Variants in DYSF observed in about 807,000 individuals in gnomAD.
DYSF encodes the protein dysferlin.
In DYSF, 212 loss-of-function variants were observed where a neutral mutation model predicts 274.9. The observed-to-expected ratio is 0.77, with a 90% confidence interval of 0.69 to 0.86. DYSF has a LOEUF of 0.86. Ranked by LOEUF, DYSF falls within the 40% of genes least tolerant of loss-of-function variation. The probability of loss-of-function intolerance (pLI) is 0.00; values close to 1 mark genes in which losing one functional copy is unlikely to be tolerated. For missense variants in DYSF, 2,666 were observed against 2,783.2 expected (o/e 0.96, Z 0.95); for synonymous variants, 1,091 against 1,078.7 (o/e 1.01, Z -0.22).
chr2:71,532,840 C>CTATT (rs2088896952), intron 14 of DYSF, among the ~76,000 whole-genome samples: 1 of 140,690 alleles, frequency 7.1e-6, no homozygotes. Context: ...TTCTATCTAT[C>CTATT]TATCTATCTA....
At chr2:71,557,503 G>A (rs752669300) in intron 22 of DYSF, among the ~76,000 whole-genome samples, 1 of 152,184 alleles carries the variant, frequency 6.6e-6, no homozygotes, top group African/African-American at 2.4e-5. Flanking sequence ...TGATCCCAGG[G>A]TCTAAATGCT....
chr2:71,675,437 A>G (rs2095203798), intron 52 of DYSF, among the ~76,000 whole-genome samples: 1 of 152,218 alleles, frequency 6.6e-6, no homozygotes, highest in South Asian at 2.1e-4. Context: ...CTCTTGGGGT[A>G]GCCCTTGACT....
intron 9 of DYSF, among the ~76,000 whole-genome samples, chr2:71,516,750 G>A (rs959672564): frequency 6.6e-6 from 1 of 152,206 alleles, no homozygotes; most frequent in East Asian, 1.9e-4. Context: ...TGTCTATGCC[G>A]TGTAGGGATT....
chr2:71,584,098 A>T (rs1270109024), intron 30 of DYSF, among the ~76,000 whole-genome samples: 1 of 150,914 alleles, frequency 6.6e-6, no homozygotes, highest in South Asian at 2.1e-4. Flanking sequence ...TTGCGGTGGC[A>T]TGAGCTATCA....
chr2:71,526,416 G>GGGGGGGGGGGGGC, intron 13 of DYSF, 70 bp downstream of exon 13: 1 of 513,688 alleles, frequency 1.9e-6, no homozygotes. Flanking sequence ...GGGGGTGGGC[G>GGGGGGGGGGGGGC]ATGGCGGGCG....
intron 30 of DYSF, among the ~76,000 whole-genome samples, chr2:71,578,671 C>T (rs1247182676): frequency 1.3e-5 from 2 of 152,194 alleles, no homozygotes; most frequent in Non-Finnish European, 2.9e-5. Flanking sequence ...AGCCAGGTAG[C>T]CTTGCTGGTA....
chr2:71,473,795 T>C (rs2082203182), intron 1 of DYSF, among the ~76,000 whole-genome samples: 1 of 152,220 alleles, frequency 6.6e-6, no homozygotes, highest in African/African-American at 2.4e-5. Flanking sequence ...TTAATCATTG[T>C]GCAGTTATCA....
chr2:71,566,613 G>A (rs976510792), intron 24 of DYSF, among the ~76,000 whole-genome samples: 4 of 152,132 alleles, frequency 2.6e-5, no homozygotes, highest in Non-Finnish European at 2.9e-5. Context: ...GCCCCGTCTC[G>A]GGGAGGACAG....
At chr2:71,518,815 A>G (rs2086923387) in intron 10 of DYSF, among the ~76,000 whole-genome samples, 1 of 151,918 alleles carries the variant, frequency 6.6e-6, no homozygotes, top group African/African-American at 2.4e-5. Context: ...TGCTGGGACC[A>G]GGCGCAGTGG....
At chr2:71,618,330 G>T (rs1487814563) in intron 40 of DYSF, among the ~76,000 whole-genome samples, 1 of 29,164 alleles carries the variant, frequency 3.4e-5, no homozygotes, top group Non-Finnish European at 6.9e-5. Flanking sequence ...GGTAGAGATG[G>T]GGTGTGTGTG....
chr2:71,553,753 T>TTCCCCCCCCCCC, intron 20 of DYSF, 54 bp from the exon 21 acceptor site: 14 of 567,490 alleles, frequency 2.5e-5, no homozygotes, highest in South Asian at 9.7e-5. Flanking sequence ...TAGCACCCCA[T>TTCCCCCCCCCCC]CCCACCCGCC....
At chr2:71,595,790 C>T (rs1005194105) in intron 32 of DYSF, among the ~76,000 whole-genome samples, 5 of 152,188 alleles carry the variant, frequency 3.3e-5, no homozygotes, top group South Asian at 2.1e-4. Context: ...GCACGATGTG[C>T]GCTGCATATG....
chr2:71,636,888 G>A (rs540325118), intron 41 of DYSF, among the ~76,000 whole-genome samples: 1 of 152,126 alleles, frequency 6.6e-6, no homozygotes, highest in Non-Finnish European at 1.5e-5. Flanking sequence ...GCACTGTGGT[G>A]CTCTGGACAG....
chr2:71,590,212 T>A lies in DYSF; in HGVS notation c.3498T>A (p.Tyr1166Ter), dbSNP rs758944159. The A allele has an allele frequency of 1.6e-5, 26 of 1,613,934 alleles. No homozygotes were observed. The highest frequency in any genetic ancestry group is 2.7e-5 in the African/African-American group (2 of 74,880). ...CCTCTGTTTTTTCCCTTGGTGAAGA[T>A]GGGAACCGCTACCATCTACGCTGCT... ...NRPTISCIFD[Y>*]GNRYHLRCYM... The change falls in exon 32 of 56, where the codon TAT becomes TAA. Residue 1166 changes from tyrosine (Y) to a stop codon, truncating the protein, a stop_gained and splice_region_variant. Transcript: ENST00000410020. LOFTEE classifies it high-confidence loss of function.
chr2:71,537,276 C>T (rs890115680), intron 16 of DYSF, among the ~76,000 whole-genome samples: 9 of 103,538 alleles, frequency 8.7e-5, no homozygotes, highest in South Asian at 3.5e-4. Context: ...GATGGAGTTT[C>T]GCTCTTGTCA....
intron 41 of DYSF, among the ~76,000 whole-genome samples, chr2:71,628,196 A>T (rs1020590463): frequency 1.3e-5 from 2 of 152,098 alleles, no homozygotes; most frequent in Middle Eastern, 3.2e-3. Flanking sequence ...ATTAGTATAG[A>T]AATTTTAACA....
chr2:71,568,135 G>T, intron 25 of DYSF, 37 bp from the exon 26 acceptor site: 1 of 1,614,164 alleles, frequency 6.2e-7, no homozygotes, highest in Non-Finnish European at 8.5e-7. Context: ...AGCTGCCTTG[G>T]CCCCCTGCTC....
At chr2:71,472,887 G>A (rs2082137484) in intron 1 of DYSF, among the ~76,000 whole-genome samples, 1 of 152,158 alleles carries the variant, frequency 6.6e-6, no homozygotes, top group Non-Finnish European at 1.5e-5. Context: ...GATGTTTCTA[G>A]TATCTTCTCC....
chr2:71,664,625 A>G (rs962424548), intron 46 of DYSF, among the ~76,000 whole-genome samples, 187 bp downstream of exon 46: 2 of 152,176 alleles, frequency 1.3e-5, no homozygotes, highest in African/African-American at 4.8e-5. Context: ...AAGCCCAGAG[A>G]TGTTATTGCT....
Sources: allele counts gnomAD v4.1 joint callset (sites outside exome capture counted in the v4.1 genomes callset), GRCh38; gene constraint gnomAD v4.1.1; transcripts MANE v1.5; gene names NCBI Gene and HGNC (gene_info 2026-07-23, HGNC 2026-07-21).